Variants in HS6ST3 observed in about 807,000 individuals in gnomAD.
HS6ST3 encodes heparan-sulfate 6-O-sulfotransferase 3.
HS6ST3 carries 12 observed loss-of-function variants against 36.7 expected under a neutral mutation model. The ratio of observed to expected loss-of-function variants is 0.33; its 90% CI spans 0.21 to 0.53. The LOEUF (loss-of-function observed/expected upper bound fraction) is 0.53, where lower values mean the gene tolerates loss of function less well. HS6ST3 is among the 20% of genes least tolerant of loss of function. The probability of loss-of-function intolerance (pLI) is 0.95; values close to 1 mark genes in which losing one functional copy is unlikely to be tolerated. For synonymous variants in HS6ST3, 240 were observed against 257.5 expected, an observed-to-expected ratio of 0.93 and a Z score of 0.65; for missense variants, 584 against 640.9, an observed-to-expected ratio of 0.91 and a Z score of 0.96.
In HS6ST3 at chr13:96,183,191, CT is replaced by C. The variant is rs900235820; in HGVS notation, c.707+91630del. On this transcript the variant is annotated intron_variant, in intron 1 of 1. Coordinates refer to ENST00000376705, the MANE Select transcript of HS6ST3 (RefSeq NM_153456.4). ...GAAATTACAGAGTGCTATGTTAAAG[CT>C]TTTTTTTGGCGGGGGGGAAGTCTCG... Among the ~76,000 whole-genome samples, 6 of 151,790 alleles carry C rather than the reference CT, an allele frequency of 4.0e-5. No homozygotes were observed. The East Asian group carries it at 7.7e-4, about 20-fold the overall frequency.
At chr13:96,463,800 A>G (rs998404544) in intron 1 of HS6ST3, among the ~76,000 whole-genome samples, 1 of 152,118 alleles carries the variant, frequency 6.6e-6, no homozygotes, top group Non-Finnish European at 1.5e-5. Context: ...AGGAACATAA[A>G]TGGCTCACAA....
chr13:96,338,489 T>C (rs924908363), intron 1 of HS6ST3, among the ~76,000 whole-genome samples: 2 of 152,188 alleles, frequency 1.3e-5, no homozygotes, highest in Non-Finnish European at 2.9e-5. Flanking sequence ...TGCTGGAGCA[T>C]GAGAGGGGCA....
chr13:96,647,631 A>C (rs2056593452), intron 1 of HS6ST3, among the ~76,000 whole-genome samples: 1 of 152,074 alleles, frequency 6.6e-6, no homozygotes, highest in African/African-American at 2.4e-5. Flanking sequence ...CAGATGTCAT[A>C]ATAACTTTTT....
chr13:96,111,627 C>G (rs2053868678), intron 1 of HS6ST3, among the ~76,000 whole-genome samples: 1 of 152,098 alleles, frequency 6.6e-6, no homozygotes, highest in African/African-American at 2.4e-5. Flanking sequence ...CGTGTTTCCA[C>G]AATAGTTTTG....
chr13:96,702,998 T>C lies in HS6ST3; in HGVS notation c.708-129492T>C, dbSNP rs1333559210. ...ACTTTGGGCTAGCCCATTCAACTAC[T>C]CTAAGACTTCTTTCTTTGCCTTATA... On this transcript the variant is annotated intron_variant, in intron 1 of 1. Transcript: ENST00000376705. Among the ~76,000 whole-genome samples, 4 of 152,252 alleles carry C rather than the reference T, an allele frequency of 2.6e-5. No homozygotes were observed. In the East Asian group the frequency reaches 5.8e-4, roughly 22 times the overall value.
intron 1 of HS6ST3, among the ~76,000 whole-genome samples, chr13:96,722,495 G>A (rs1264616059): frequency 2.6e-5 from 4 of 152,028 alleles, no homozygotes; most frequent in Admixed American, 6.6e-5. Flanking sequence ...CCCCGGGGTC[G>A]TGACTCTTAT....
At chr13:96,310,706 C>G (rs1485013480) in intron 1 of HS6ST3, among the ~76,000 whole-genome samples, 2 of 148,152 alleles carry the variant, frequency 1.3e-5, no homozygotes, top group South Asian at 2.2e-4. Context: ...CCTTCCCACT[C>G]TGTGGCACAC....
chr13:96,643,505 C>G (rs1051203786), intron 1 of HS6ST3, among the ~76,000 whole-genome samples: 4 of 151,838 alleles, frequency 2.6e-5, no homozygotes, highest in African/African-American at 7.3e-5. Context: ...TGTTTTGTGT[C>G]AACTGTTATC....
At chr13:96,280,095 G>T (rs1566310216) in intron 1 of HS6ST3, among the ~76,000 whole-genome samples, 3 of 152,050 alleles carry the variant, frequency 2.0e-5, no homozygotes, top group Admixed American at 2.0e-4. Context: ...TATTACACTG[G>T]CAGGTTCTTA....
In HS6ST3 at chr13:96,686,424, T is replaced by C. The variant is rs72643894; in HGVS notation, c.708-146066T>C. Among the ~76,000 whole-genome samples, 605 of 152,144 alleles carry C rather than the reference T, an allele frequency of 4.0e-3. 6 individuals carry two copies. The highest frequency in any genetic ancestry group is 7.4e-3 in the Admixed American group (113 of 15,246). ...GGTCAAAGCCATCTAAAAAAGTGCCTTGAATTATTATTTTCATTGAATGCA... is the reference window on the plus strand; with the variant it reads ...GGTCAAAGCCATCTAAAAAAGTGCCCTGAATTATTATTTTCATTGAATGCA... On this transcript the variant is annotated intron_variant, in intron 1 of 1. Coordinates refer to ENST00000376705, the MANE Select transcript of HS6ST3 (RefSeq NM_153456.4).
chr13:96,690,103 G>A (rs35708749), intron 1 of HS6ST3, among the ~76,000 whole-genome samples: 13,363 of 152,056 alleles, frequency 0.088, 1,042 homozygotes, highest in African/African-American at 0.2. Context: ...CATTCCTTAC[G>A]TCCTTACAAG....
chr13:96,501,381 TGCTGTGCTTAA>T (rs2056003817), intron 1 of HS6ST3, among the ~76,000 whole-genome samples: 1 of 152,248 alleles, frequency 6.6e-6, no homozygotes, highest in African/African-American at 2.4e-5. Flanking sequence ...TCTGAGCAGA[TGCTGTGCTTAA>T]GAGAATGAAT....
rs375048279 is a variant in HS6ST3 at position 96,346,359 on chromosome 13, G to A, written c.707+254790G>A. ...GGAGGCCAAGGTGGGCGGATCATGA[G>A]ATCAGGAGATCAAGACCATCCTGGC... On this transcript the variant is annotated intron_variant, in intron 1 of 1. Transcript: ENST00000376705. Among the ~76,000 whole-genome samples the A allele has an allele frequency of 1.0e-3, 159 of 152,226 alleles. 3 individuals are homozygous for A. The highest frequency in any genetic ancestry group is 3.7e-3 in the African/African-American group (152 of 41,554).
At chr13:96,284,907 TTTGC>T (rs571805266) in intron 1 of HS6ST3, among the ~76,000 whole-genome samples, 12 of 129,386 alleles carry the variant, frequency 9.3e-5, no homozygotes, top group African/African-American at 1.8e-4. Flanking sequence ...TGAATGCATA[TTTGC>T]TTTCTTTCTT....
At chr13:96,194,481 G>A (rs1484589017) in intron 1 of HS6ST3, among the ~76,000 whole-genome samples, 1 of 151,854 alleles carries the variant, frequency 6.6e-6, no homozygotes, top group South Asian at 2.1e-4. Flanking sequence ...CTTTATTGGA[G>A]TGTAATTGAC....
At chr13:96,614,250 A>G (rs2056465750) in intron 1 of HS6ST3, among the ~76,000 whole-genome samples, 1 of 138,098 alleles carries the variant, frequency 7.2e-6, no homozygotes, top group Non-Finnish European at 1.5e-5. Flanking sequence ...GTGAGCTGAG[A>G]TCGCACCACT....
chr13:96,373,889 A>G (rs2055302502), intron 1 of HS6ST3, among the ~76,000 whole-genome samples: 1 of 152,192 alleles, frequency 6.6e-6, no homozygotes, highest in South Asian at 2.1e-4. Flanking sequence ...AGTTGCAATT[A>G]TCTTATTTTG....
chr13:96,373,788 A>G (rs918382154), intron 1 of HS6ST3, among the ~76,000 whole-genome samples: 1 of 152,188 alleles, frequency 6.6e-6, no homozygotes, highest in Non-Finnish European at 1.5e-5. Flanking sequence ...GTTTTTCCCA[A>G]TGTAATCCCA....
chr13:96,250,775 G>A (rs1164927252), intron 1 of HS6ST3, among the ~76,000 whole-genome samples: 2 of 152,146 alleles, frequency 1.3e-5, no homozygotes, highest in Admixed American at 1.3e-4. Context: ...CACATAATTT[G>A]TTGAGAGTTT....
Sources: gnomAD v4.1 joint callset for allele counts (sites outside exome capture counted in the v4.1 genomes callset) on GRCh38, gnomAD v4.1.1 for gene constraint, MANE v1.5 for transcripts, NCBI Gene and HGNC (gene_info 2026-07-23, HGNC 2026-07-21) for gene names.